Variants in SEC63 observed in about 807,000 individuals in gnomAD.
SEC63 encodes SEC63 protein translocation regulator, also known as translocation protein SEC63 homolog.
Under a neutral mutation model 116.2 loss-of-function variants are expected in SEC63, and 56 were observed. The observed-to-expected ratio is 0.48, with a 90% CI of 0.39 to 0.60. The LOEUF (loss-of-function observed/expected upper bound fraction) is 0.60. SEC63 is among the 20% of genes least tolerant of loss of function. The pLI is 0.00. For synonymous variants in SEC63, 273 were observed against 294.6 expected, an observed-to-expected ratio of 0.93 and a Z score of 0.75; for missense variants, 668 against 900.0, an observed-to-expected ratio of 0.74 and a Z score of 3.30.
In SEC63 at chr6:107,868,810, A is replaced by G. The variant is rs1786058602; in HGVS notation, c.*2894T>C. The G allele has an allele frequency of 2.0e-5, 3 of 152,192 alleles. No individual in the cohort carries two copies. The highest frequency in any genetic ancestry group is 6.5e-5 in the Admixed American group (1 of 15,268). The allele number at this position is 152,192 out of a possible 1,614,324, so 9.4% of individuals were successfully genotyped here. On this transcript the variant is annotated 3_prime_UTR_variant, in exon 21 of 21. Coordinates refer to ENST00000369002, the MANE Select transcript of SEC63 (RefSeq NM_007214.5). ...ATTTTGATAGCTCCAGTATCCAGTC[A>G]CAGAGCCTGGCACATAGAAACTCAG... is the stretch of plus-strand genomic sequence containing the variant.
intron 8 of SEC63, among the ~76,000 whole-genome samples, chr6:107,908,299 A>C (rs4946875): frequency 6.6e-6 from 1 of 151,980 alleles, no homozygotes; most frequent in African/African-American, 2.4e-5. Context: ...ATAAACTGCA[A>C]AGTTTGCTTT....
chr6:107,916,477 C>A (rs1225976041), intron 4 of SEC63, among the ~76,000 whole-genome samples: 1 of 152,200 alleles, frequency 6.6e-6, no homozygotes, highest in Non-Finnish European at 1.5e-5. Flanking sequence ...TGATATCTCC[C>A]AAACTTCTGT....
intron 13 of SEC63, among the ~76,000 whole-genome samples, chr6:107,899,305 C>T (rs989349619): frequency 3.9e-5 from 6 of 152,206 alleles, no homozygotes; most frequent in African/African-American, 7.2e-5. Context: ...TATAAATAAA[C>T]TGTCTATCCA....
rs1025486159 is a variant in SEC63 at position 107,958,016 on chromosome 6, C to T, written c.-7G>A. On this transcript the variant is annotated 5_prime_UTR_variant, in exon 1 of 21. Coordinates refer to ENST00000369002, the MANE Select transcript of SEC63 (RefSeq NM_007214.5). ...GGAACTGCTGCCCGGCCATGGCACC[C>T]CCTCCTCCGCCTCGCTCTTCTCACC... 3 of 1,613,070 alleles carry T rather than the reference C, an allele frequency of 1.9e-6. No individual in the cohort carries two copies. The South Asian group carries it at 3.3e-5, about 18-fold the overall frequency.
intron 1 of SEC63, among the ~76,000 whole-genome samples, chr6:107,933,994 T>A (rs1434434835): frequency 6.6e-6 from 1 of 152,092 alleles, no homozygotes; most frequent in African/African-American, 2.4e-5. Context: ...AGGTGCCGGG[T>A]TTGCAGACGG....
chr6:107,902,938 A>C lies in SEC63; in HGVS notation c.1115T>G (p.Met372Arg), dbSNP rs919288863. Reference protein sequence around the residue: ...SLENCMKLSQMAVQGLQQFKS... With the variant: ...SLENCMKLSQRAVQGLQQFKS... The stretch of plus-strand genomic sequence containing the variant: ...AAATTGCTGAAGTCCCTGAACGGCC[A>C]TCTGAGAAAGCTTCATGCAGTTTTC... The change falls in exon 12 of 21, where the codon ATG (methionine) becomes AGG (arginine). Residue 372 changes from methionine to arginine, a missense_variant. Met to Arg is a moderately conservative substitution (Grantham distance 91). Transcript: ENST00000369002. 2 of 1,614,044 alleles carry C rather than the reference A, an allele frequency of 1.2e-6. No individual in the cohort carries two copies. Among genetic ancestry groups the C allele is most frequent in the Non-Finnish European group, 1.7e-6 (2 of 1,179,918 alleles).
At chr6:107,897,831 A>T in intron 13 of SEC63, 100 bp from the exon 14 acceptor site, 1 of 790,338 alleles carries the variant, frequency 1.3e-6, no homozygotes, top group Middle Eastern at 2.8e-4. Context: ...TTGGCACTTT[A>T]GTATTTCAAG....
At chr6:107,899,253 A>C (rs1786939650) in intron 13 of SEC63, among the ~76,000 whole-genome samples, 2 of 152,152 alleles carry the variant, frequency 1.3e-5, no homozygotes, top group South Asian at 2.1e-4. Context: ...TCCTTCACCA[A>C]CTATAGCACT....
intron 19 of SEC63, among the ~76,000 whole-genome samples, chr6:107,874,470 T>C (rs183031305): frequency 5.0e-4 from 76 of 150,740 alleles, no homozygotes; most frequent in Admixed American, 6.6e-4. Flanking sequence ...GTGGCGGGCG[T>C]CTGTAATCCC....
chr6:107,878,780 A>C (rs1786338579), intron 18 of SEC63, among the ~76,000 whole-genome samples: 1 of 152,064 alleles, frequency 6.6e-6, no homozygotes, highest in Non-Finnish European at 1.5e-5. Context: ...ACTTGCACCC[A>C]GGAGGTGGAG....
chr6:107,958,124 T>C lies in SEC63; in HGVS notation c.-115A>G. 6.7e-7 allele frequency: 1 copy of C among 1,487,288 alleles called. No individual in the cohort carries two copies. The highest frequency in any genetic ancestry group is 2.4e-5 in the East Asian group (1 of 42,424). The allele number at this position is 1,487,288 out of a possible 1,614,324, so 92.1% of individuals were successfully genotyped here. On this transcript the variant is annotated 5_prime_UTR_variant, in exon 1 of 21. Coordinates refer to ENST00000369002, the MANE Select transcript of SEC63 (RefSeq NM_007214.5). ...TAGCTTGGACACTGCCGCCGCCGCC[T>C]CTCCTCCCCGCCCCCACGCCACTCT...
chr6:107,906,783 A>C lies in SEC63; in HGVS notation c.734-6T>G, dbSNP rs780925277. 6.3e-7 allele frequency: 1 copy of C among 1,591,232 alleles called. No homozygotes were observed. The highest frequency in any genetic ancestry group is 1.1e-5 in the South Asian group (1 of 90,636). The stretch of plus-strand genomic sequence containing the variant: ...AGCCAAAACCATGATAAGACCTAAC[A>C]AAACAAAAGAAATATGAAGGTAAAT... On this transcript the variant is annotated splice_polypyrimidine_tract_variant and splice_region_variant and intron_variant, in intron 8 of 20. Coordinates refer to ENST00000369002, the MANE Select transcript of SEC63 (RefSeq NM_007214.5).
chr6:107,956,026 G>T, intron 1 of SEC63: 1 of 417,884 alleles, frequency 2.4e-6, no homozygotes, highest in Non-Finnish European at 4.9e-6. Context: ...AAGTCTGTAA[G>T]GCCAGCTACT....
chr6:107,887,133 CTT>C (rs1336211441), intron 16 of SEC63, among the ~76,000 whole-genome samples: 1 of 152,000 alleles, frequency 6.6e-6, no homozygotes, highest in Admixed American at 6.6e-5. Flanking sequence ...AACAGGAACA[CTT>C]TTACACTGTT....
At chr6:107,953,483 C>A (rs1194180533) in intron 1 of SEC63, among the ~76,000 whole-genome samples, 1 of 145,332 alleles carries the variant, frequency 6.9e-6, no homozygotes, top group Non-Finnish European at 1.5e-5. Context: ...AAGTGAGGAG[C>A]CCCTCTGCCC....
chr6:107,922,007 AACT>A, intron 3 of SEC63, 98 bp from the exon 4 acceptor site: 1 of 708,204 alleles, frequency 1.4e-6, no homozygotes, highest in Non-Finnish European at 2.5e-6. Context: ...TTAAAATATG[AACT>A]ACTCAGTATT....
At chr6:107,955,063 A>C (rs1177598627) in intron 1 of SEC63, among the ~76,000 whole-genome samples, 2 of 152,256 alleles carry the variant, frequency 1.3e-5, no homozygotes, top group African/African-American at 2.4e-5. Flanking sequence ...TCTATCTAGC[A>C]GTATGGAAAC....
chr6:107,914,441 T>A, intron 4 of SEC63, among the ~76,000 whole-genome samples: 1 of 152,146 alleles, frequency 6.6e-6, no homozygotes. Flanking sequence ...AATACCTTTA[T>A]AAAATAGCAA....
At chr6:107,937,787 T>A (rs1770289565) in intron 1 of SEC63, among the ~76,000 whole-genome samples, 1 of 152,142 alleles carries the variant, frequency 6.6e-6, no homozygotes, top group Admixed American at 6.6e-5. Context: ...TTTATCTGAT[T>A]AGTGATGTTG....
Sources: allele counts gnomAD v4.1 joint callset (sites outside exome capture counted in the v4.1 genomes callset), GRCh38; gene constraint gnomAD v4.1.1; transcripts MANE v1.5; gene names NCBI Gene and HGNC (gene_info 2026-07-23, HGNC 2026-07-21).